Variants in DSG4 observed in about 807,000 individuals in gnomAD.
The protein encoded by DSG4 is desmoglein-4.
Under a neutral mutation model 93.1 loss-of-function variants are expected in DSG4, and 87 were observed. That is an observed-to-expected ratio of 0.93 (90% CI 0.79 to 1.12). DSG4 has a LOEUF of 1.12. Ranked by LOEUF, DSG4 falls within the 50% of genes most tolerant of loss-of-function variation. The pLI is 0.00. For synonymous variants in DSG4, 432 were observed against 452.9 expected (o/e 0.95, Z 0.59); for missense variants, 1,373 against 1,285.7 (o/e 1.07, Z -1.04).
chr18:31,381,902 C>G (rs889690259), intron 1 of DSG4, among the ~76,000 whole-genome samples: 5 of 151,350 alleles, frequency 3.3e-5, no homozygotes, highest in African/African-American at 1.2e-4. Flanking sequence ...AACTCCTAAC[C>G]TCGTGATCTG....
At chr18:31,406,903 G>A (rs73410291) in intron 12 of DSG4, among the ~76,000 whole-genome samples, 12,062 of 151,612 alleles carry the variant, frequency 0.08, 1,486 homozygotes, top group African/African-American at 0.26. Flanking sequence ...TCAGCCTCCC[G>A]AGTAGCTGGG....
intron 12 of DSG4, among the ~76,000 whole-genome samples, chr18:31,408,393 A>G (rs1161966991): frequency 6.6e-6 from 1 of 152,216 alleles, no homozygotes; most frequent in Non-Finnish European, 1.5e-5. Flanking sequence ...GGGGCTACCA[A>G]TTTTAGTTTT....
Position 31,406,212 on chromosome 18 carries a change from A to G in DSG4, c.1772A>G (p.Asp591Gly), listed in dbSNP as rs145317190. ...MVQLYACDCD[D>G]NHMCLDSGAA... ...CAGTTATATGCCTGTGATTGCGATGACAACCACATGTGCCTGGACTCTGGT... is the reference window on the plus strand; with the variant it reads ...CAGTTATATGCCTGTGATTGCGATGGCAACCACATGTGCCTGGACTCTGGT... The change falls in exon 12 of 16, where the codon GAC becomes GGC. Residue 591 changes from aspartate to glycine, a missense_variant. Asp to Gly is a moderately conservative substitution (Grantham distance 94). Coordinates refer to ENST00000308128, the MANE Select transcript of DSG4 (RefSeq NM_177986.5). 1.9e-6 allele frequency: 3 copies of G among 1,614,062 alleles called. No individual in the cohort carries two copies. The African/African-American group carries it at 4.0e-5, about 22-fold the overall frequency.
At chr18:31,405,966 C>T (rs2072419674) in intron 11 of DSG4, 111 bp from the exon 12 acceptor site, 2 of 1,168,628 alleles carry the variant, frequency 1.7e-6, no homozygotes, top group South Asian at 2.6e-5. Flanking sequence ...ACTAAGAAAG[C>T]ATGAAAAATC....
intron 2 of DSG4, among the ~76,000 whole-genome samples, chr18:31,385,693 A>G (rs1276102763): frequency 1.3e-5 from 2 of 152,114 alleles, no homozygotes; most frequent in East Asian, 3.8e-4. Context: ...CCCTCAAATC[A>G]TTGGAAAAAA....
Position 31,390,740 on chromosome 18 carries a change from A to G in DSG4, c.602A>G (p.Gln201Arg). ...AAAATTGCCTACAAGATCGTCTCTCAGGAGCCATCAGGTGCACCCATGTTC... is the reference window on the plus strand; with the variant it reads ...AAAATTGCCTACAAGATCGTCTCTCGGGAGCCATCAGGTGCACCCATGTTC... ...NSKIAYKIVS[Q>R]EPSGAPMFIL... The change falls in exon 6 of 16, where the codon CAG (glutamine) becomes CGG (arginine). Residue 201 changes from glutamine to arginine, a missense_variant. Gln to Arg is a conservative substitution (Grantham distance 43, BLOSUM62 1). Transcript: ENST00000308128. 6.2e-7 allele frequency: 1 copy of G among 1,613,774 alleles called. No individual in the cohort carries two copies. Among genetic ancestry groups the G allele is most frequent in the East Asian group, 2.2e-5 (1 of 44,874 alleles).
At chr18:31,381,738 C>A (rs1157915885) in intron 1 of DSG4, among the ~76,000 whole-genome samples, 1 of 152,112 alleles carries the variant, frequency 6.6e-6, no homozygotes, top group Non-Finnish European at 1.5e-5. Flanking sequence ...CAGCTCACTG[C>A]AACGTCCCCC....
rs759038831 is a variant in DSG4, at chr18:31,411,331, C to T, written c.2238C>T (p.Ala746=). The change falls in exon 15 of 16, where the codon GCC becomes GCT. Residue 746 remains alanine (A), a synonymous_variant. Transcript: ENST00000308128. ...TGMGTAVGLM[A]AGAAGASGAA... ...TGGGGACAGCCGTTGGCCTCATGGC[C>T]GCAGGGGCCGCAGGAGCCTCAGGGG... The T allele has an allele frequency of 2.5e-6, 4 of 1,611,130 alleles. No individual in the cohort carries two copies. The highest frequency in any genetic ancestry group is 1.7e-5 in the Admixed American group (1 of 59,814).
intron 15 of DSG4, among the ~76,000 whole-genome samples, chr18:31,412,583 G>A (rs1400664782): frequency 6.6e-6 from 1 of 152,184 alleles, no homozygotes; most frequent in Non-Finnish European, 1.5e-5. Flanking sequence ...ATTTCACCAT[G>A]ATTCTTTACC....
At chr18:31,406,820 C>G (rs1408762128) in intron 12 of DSG4, among the ~76,000 whole-genome samples, 1 of 151,662 alleles carries the variant, frequency 6.6e-6, no homozygotes. Context: ...CTCTATTGCC[C>G]AGGCTGGAGT....
chr18:31,400,905 C>A lies in DSG4; in HGVS notation c.1302C>A (p.Gly434=). 6.2e-7 allele frequency: 1 copy of A among 1,612,382 alleles called. No individual in the cohort carries two copies. The highest frequency in any genetic ancestry group is 8.5e-7 in the Non-Finnish European group (1 of 1,179,022). ...GATATATCATAGGGCATGATGCAGGCAGCTGGTTAAAAATTGATTCAAGAA... is the reference window on the plus strand; with the variant it reads ...GATATATCATAGGGCATGATGCAGGAAGCTGGTTAAAAATTGATTCAAGAA... ...DVRYIIGHDA[G]SWLKIDSRTG... is the part of the protein sequence containing the mutation. The change falls in exon 10 of 16, where the codon GGC becomes GGA. Residue 434 remains glycine (G), a synonymous_variant. Transcript: ENST00000308128.
intron 8 of DSG4, among the ~76,000 whole-genome samples, chr18:31,397,546 AG>A: frequency 6.6e-6 from 1 of 152,266 alleles, no homozygotes; most frequent in Non-Finnish European, 1.5e-5. Context: ...CCAAGAGGAA[AG>A]GTTGACCCCA....
At chr18:31,391,849 G>A (rs994368148) in intron 7 of DSG4, among the ~76,000 whole-genome samples, 3 of 151,544 alleles carry the variant, frequency 2.0e-5, no homozygotes, top group Non-Finnish European at 4.4e-5. Context: ...AAAAAATCTG[G>A]TCCTCTATCT....
chr18:31,392,389 A>G (rs745551490), intron 8 of DSG4, 49 bp downstream of exon 8: 2 of 1,588,760 alleles, frequency 1.3e-6, no homozygotes, highest in East Asian at 4.5e-5. Flanking sequence ...TTTTATTCCA[A>G]AGAAGTTTTA....
At position 31,403,618 on chromosome 18, in the gene DSG4, T is replaced by C; in HGVS notation, c.1620T>C (p.Asp540=). The C allele has an allele frequency of 6.2e-7, 1 of 1,614,052 alleles. No homozygotes were observed. Among genetic ancestry groups the C allele is most frequent in the Non-Finnish European group, 8.5e-7 (1 of 1,179,916 alleles). Residue 540 remains aspartate, a synonymous_variant, in exon 11 of 16, where the codon GAT becomes GAC. Transcript: ENST00000308128. ...DEPPGIADMW[D]VRSTNATSAI... is the part of the protein sequence containing the mutation. ...CACCAGGAATAGCTGACATGTGGGA[T>C]GTCAGATCAACAAATGGTAAGTGAA...
At chr18:31,411,060 G>A (rs766858714) in intron 14 of DSG4, 171 bp from the exon 15 acceptor site, 5 of 1,516,242 alleles carry the variant, frequency 3.3e-6, no homozygotes, top group South Asian at 2.6e-5. Flanking sequence ...CTTTTATTTG[G>A]TCAACAAGCC....
chr18:31,381,887 T>A (rs1050141954), intron 1 of DSG4, among the ~76,000 whole-genome samples: 6 of 151,168 alleles, frequency 4.0e-5, no homozygotes, highest in Middle Eastern at 3.4e-3. Context: ...GCTAGGCTGG[T>A]CTCAAACTCC....
rs146841822 is a variant in DSG4 at position 31,388,037 on chromosome 18, G to T, written c.217-330G>T. ...TTATTTTTAAAAAATAGTAAATGTTGTAATTTCTTTTGTGAAGCTATTTCT... is the reference window on the plus strand; with the variant it reads ...TTATTTTTAAAAAATAGTAAATGTTTTAATTTCTTTTGTGAAGCTATTTCT... On this transcript the variant is annotated intron_variant, in intron 3 of 15. Transcript: ENST00000308128. 6.4e-4 allele frequency among the ~76,000 whole-genome samples: 98 copies of T among 152,164 alleles called. 1 individual carries two copies. In the East Asian group the frequency reaches 0.017, roughly 27 times the overall value.
At chr18:31,393,719 T>C (rs1175373260) in intron 8 of DSG4, among the ~76,000 whole-genome samples, 1 of 152,176 alleles carries the variant, frequency 6.6e-6, no homozygotes, top group Admixed American at 6.5e-5. Context: ...TTTTTTCAGA[T>C]AGCATATTAG....
Sources: gnomAD v4.1 joint callset for allele counts (sites outside exome capture counted in the v4.1 genomes callset) on GRCh38, gnomAD v4.1.1 for gene constraint, MANE v1.5 for transcripts, NCBI Gene and HGNC (gene_info 2026-07-23, HGNC 2026-07-21) for gene names.